BICC1: variants seen among roughly 807,000 people sequenced by gnomAD.
The protein encoded by BICC1 is protein bicaudal C homolog 1.
In BICC1, 43 loss-of-function variants were observed where a neutral mutation model predicts 111.0. That is an observed-to-expected ratio of 0.39 (90% confidence interval 0.30 to 0.50). The LOEUF (loss-of-function observed/expected upper bound fraction) is 0.50, where lower values mean the gene tolerates loss of function less well. Among genes scored for constraint, BICC1 ranks in the 20% least tolerant of loss-of-function variants. The probability of loss-of-function intolerance (pLI) is 0.88; values close to 1 mark genes in which losing one functional copy is unlikely to be tolerated. For missense variants in BICC1, 1,091 were observed against 1,203.2 expected, an observed-to-expected ratio of 0.91 and a Z score of 1.38; for synonymous variants, 467 against 434.4, an observed-to-expected ratio of 1.07 and a Z score of -0.93.
chr10:58,687,933 C>T (rs958013374), intron 2 of BICC1, among the ~76,000 whole-genome samples: 1 of 152,150 alleles, frequency 6.6e-6, no homozygotes, highest in African/African-American at 2.4e-5. Context: ...TCTTCTGTCG[C>T]TCACGCTGGG....
At chr10:58,708,237 C>T (rs1026675563) in intron 3 of BICC1, among the ~76,000 whole-genome samples, 1 of 151,478 alleles carries the variant, frequency 6.6e-6, no homozygotes, top group Non-Finnish European at 1.5e-5. Flanking sequence ...AGTGATCTGC[C>T]TGCCATGGCC....
At chr10:58,660,142 C>T (rs747970996) in intron 2 of BICC1, among the ~76,000 whole-genome samples, 2 of 152,122 alleles carry the variant, frequency 1.3e-5, no homozygotes, top group African/African-American at 2.4e-5. Flanking sequence ...TGCAGTGAGC[C>T]ACAGGACTCC....
At chr10:58,758,856 A>G (rs994810320) in intron 3 of BICC1, among the ~76,000 whole-genome samples, 3 of 151,318 alleles carry the variant, frequency 2.0e-5, no homozygotes, top group African/African-American at 7.3e-5. Flanking sequence ...TTTTGTTCTA[A>G]TAAGATTTTT....
chr10:58,795,540 A>G lies in BICC1; in HGVS notation c.1180-800A>G, dbSNP rs1266905999. On this transcript the variant is annotated intron_variant, in intron 9 of 20. Transcript: ENST00000373886. ...GTAAGAAATGAGCAGAAGTCAGGGAAAAATAGATTGTAAATGAGAACTCCA... is the reference window on the plus strand; with the variant it reads ...GTAAGAAATGAGCAGAAGTCAGGGAGAAATAGATTGTAAATGAGAACTCCA... Among the ~76,000 whole-genome samples, 6 of 152,310 alleles carry G rather than the reference A, an allele frequency of 3.9e-5. No homozygotes were observed. In the East Asian group the frequency reaches 1.2e-3, roughly 29 times the overall value.
At chr10:58,778,893 A>G (rs1842814984) in intron 3 of BICC1, among the ~76,000 whole-genome samples, 1 of 152,226 alleles carries the variant, frequency 6.6e-6, no homozygotes, top group Admixed American at 6.5e-5. Context: ...ATTCCTTGAA[A>G]TAATCTGGAA....
intron 1 of BICC1, among the ~76,000 whole-genome samples, chr10:58,527,173 G>A (rs897988504): frequency 2.0e-5 from 3 of 152,120 alleles, no homozygotes; most frequent in Non-Finnish European, 4.4e-5. Context: ...TTTCTCTGAT[G>A]GCCAGTGATG....
chr10:58,603,818 A>G (rs1460469385), intron 1 of BICC1, among the ~76,000 whole-genome samples: 2 of 152,112 alleles, frequency 1.3e-5, no homozygotes, highest in African/African-American at 2.4e-5. Context: ...TGTTCGTTCA[A>G]TTTCTAAAAT....
At chr10:58,721,126 A>G (rs1181865269) in intron 3 of BICC1, among the ~76,000 whole-genome samples, 1 of 152,164 alleles carries the variant, frequency 6.6e-6, no homozygotes, top group Non-Finnish European at 1.5e-5. Context: ...ACAAATGCCC[A>G]TTTTCCCCTT....
chr10:58,669,955 A>T (rs1026025299), intron 2 of BICC1, among the ~76,000 whole-genome samples: 4 of 152,170 alleles, frequency 2.6e-5, no homozygotes, highest in African/African-American at 9.7e-5. Context: ...AAAAGTGAAG[A>T]TGTGAAGGAA....
intron 2 of BICC1, among the ~76,000 whole-genome samples, chr10:58,660,180 T>A (rs1335403974): frequency 6.6e-6 from 1 of 152,254 alleles, no homozygotes; most frequent in South Asian, 2.1e-4. Flanking sequence ...GCAGCTAATA[T>A]TCCCAGACAG....
chr10:58,796,472 G>C lies in BICC1; in HGVS notation c.1312G>C (p.Ala438Pro). ...PSPASCPAGL[A>P]CPSLDILASA... ...CCCAGCATCCTGCCCTGCCGGCCTG[G>C]CATGTCCCAGCCTGGATATCTTAGC... Residue 438 changes from alanine (A) to proline (P), a missense_variant, in exon 10 of 21, where the codon GCA becomes CCA. Ala to Pro is a conservative substitution (Grantham distance 27). Coordinates refer to ENST00000373886, the MANE Select transcript of BICC1 (RefSeq NM_001080512.3). 6.2e-7 allele frequency: 1 copy of C among 1,614,062 alleles called. No homozygotes were observed. Among genetic ancestry groups the C allele is most frequent in the Non-Finnish European group, 8.5e-7 (1 of 1,179,986 alleles).
intron 1 of BICC1, among the ~76,000 whole-genome samples, chr10:58,593,024 T>G (rs1048846342): frequency 5.3e-5 from 8 of 152,104 alleles, no homozygotes; most frequent in Non-Finnish European, 1.0e-4. Flanking sequence ...TGAGATTGAC[T>G]GGGACGTTCG....
chr10:58,565,190 C>T (rs1843718870), intron 1 of BICC1, among the ~76,000 whole-genome samples: 1 of 152,180 alleles, frequency 6.6e-6, no homozygotes, highest in South Asian at 2.1e-4. Context: ...TATGCTTCAT[C>T]TATGCTATTT....
chr10:58,579,493 C>T (rs952692489), intron 1 of BICC1, among the ~76,000 whole-genome samples: 1 of 152,130 alleles, frequency 6.6e-6, no homozygotes, highest in East Asian at 1.9e-4. Context: ...TCACCATGAT[C>T]AGATCCCGGA....
chr10:58,521,660 C>CT (rs11363989), intron 1 of BICC1, among the ~76,000 whole-genome samples: 1 of 150,490 alleles, frequency 6.6e-6, no homozygotes. Flanking sequence ...TCCGTTTTGC[C>CT]TTTTTTTGCT....
chr10:58,573,291 G>A (rs1007421228), intron 1 of BICC1, among the ~76,000 whole-genome samples: 1 of 152,136 alleles, frequency 6.6e-6, no homozygotes, highest in African/African-American at 2.4e-5. Context: ...ACAAGAAGAG[G>A]TAGTTAGATT....
At chr10:58,607,960 G>A (rs1464071054) in intron 1 of BICC1, among the ~76,000 whole-genome samples, 1 of 152,128 alleles carries the variant, frequency 6.6e-6, no homozygotes, top group Non-Finnish European at 1.5e-5. Context: ...TGGTTTTCAT[G>A]GTAATGTATG....
At chr10:58,819,758 C>T (rs1030354330) in intron 19 of BICC1, among the ~76,000 whole-genome samples, 1 of 152,146 alleles carries the variant, frequency 6.6e-6, no homozygotes, top group Non-Finnish European at 1.5e-5. Flanking sequence ...TGTTGTCTTT[C>T]TCTTCTTACA....
intron 1 of BICC1, among the ~76,000 whole-genome samples, chr10:58,593,958 A>T (rs1251945577): frequency 6.6e-6 from 1 of 152,006 alleles, no homozygotes; most frequent in African/African-American, 2.4e-5. Flanking sequence ...AACCCAATGC[A>T]GGGAAGCTAA....
Sources: gnomAD v4.1 joint callset for allele counts (sites outside exome capture counted in the v4.1 genomes callset) on GRCh38, gnomAD v4.1.1 for gene constraint, MANE v1.5 for transcripts, NCBI Gene and HGNC (gene_info 2026-07-23, HGNC 2026-07-21) for gene names.